The following CENPC variants were observed in gnomAD, a reference collection of about 807,000 sequenced individuals.
The protein encoded by CENPC is CENP-C 1.
In CENPC, 63 loss-of-function variants were observed where a neutral mutation model predicts 112.1. The ratio of observed to expected loss-of-function variants is 0.56; its 90% CI spans 0.46 to 0.69. The LOEUF (loss-of-function observed/expected upper bound fraction) is 0.69, where lower values mean the gene tolerates loss of function less well. Ranked by LOEUF, CENPC falls within the 30% of genes least tolerant of loss-of-function variation. CENPC has a pLI of 0.00. For synonymous variants in CENPC, 333 were observed against 367.6 expected (o/e 0.91, Z 1.08); for missense variants, 1,000 against 1,103.8 (o/e 0.91, Z 1.33).
chr4:67,518,105 C>A, intron 7 of CENPC, 51 bp downstream of exon 7: 1 of 1,002,446 alleles, frequency 1.0e-6, no homozygotes, highest in South Asian at 1.8e-5. Context: ...ATATATGGTT[C>A]ATAGAATATA....
chr4:67,497,106 G>A (rs868350164), intron 12 of CENPC, among the ~76,000 whole-genome samples: 15 of 152,074 alleles, frequency 9.9e-5, no homozygotes, highest in Admixed American at 2.0e-4. Flanking sequence ...GCGGCCAGGC[G>A]CAGTGGCTCA....
intron 9 of CENPC, 102 bp from the exon 10 acceptor site, chr4:67,509,207 TACACACACACACACACAC>T (rs36207189): frequency 5.2e-4 from 251 of 486,056 alleles, no homozygotes; most frequent in East Asian, 1.5e-3. Context: ...CATATACACA[TACACACACACACACACAC>T]ACACACACAC....
At chr4:67,532,698 G>A (rs1405153187) in intron 4 of CENPC, among the ~76,000 whole-genome samples, 1 of 151,660 alleles carries the variant, frequency 6.6e-6, no homozygotes, top group Non-Finnish European at 1.5e-5. Context: ...ATTGAACAAT[G>A]AGAACACATG....
chr4:67,512,807 C>T (rs1452984350), intron 8 of CENPC, among the ~76,000 whole-genome samples: 4 of 151,922 alleles, frequency 2.6e-5, no homozygotes, highest in Non-Finnish European at 5.9e-5. Context: ...CTTATATACT[C>T]CTCAGCCAAA....
intron 16 of CENPC, among the ~76,000 whole-genome samples, chr4:67,490,856 ATATATATATATATATAT>A (rs1560422714): frequency 6.5e-3 from 129 of 19,924 alleles, no homozygotes; most frequent in Middle Eastern, 0.026. Flanking sequence ...ATATATATAT[ATATATATATATATATAT>A]ATATAGAAAT....
At chr4:67,518,512 T>C in intron 6 of CENPC, 144 bp from the exon 7 acceptor site, 1 of 849,060 alleles carries the variant, frequency 1.2e-6, no homozygotes, top group South Asian at 4.4e-5. Flanking sequence ...TGCTGATTTG[T>C]GCATTCCAAA....
chr4:67,528,211 C>T (rs1011124991), intron 5 of CENPC, among the ~76,000 whole-genome samples: 1 of 151,870 alleles, frequency 6.6e-6, no homozygotes, highest in East Asian at 1.9e-4. Context: ...CAGAATAGTA[C>T]AAAAATTATA....
chr4:67,518,516 T>C, intron 6 of CENPC, 148 bp from the exon 7 acceptor site: 2 of 811,646 alleles, frequency 2.5e-6, no homozygotes, highest in East Asian at 3.5e-5. Flanking sequence ...GATTTGTGCA[T>C]TCCAAATACA....
intron 12 of CENPC, among the ~76,000 whole-genome samples, chr4:67,500,605 A>C (rs144575982): frequency 3.3e-5 from 5 of 152,346 alleles, no homozygotes; most frequent in Non-Finnish European, 7.3e-5. Context: ...CACAGAGACC[A>C]GCTGAAAGAA....
At position 67,519,443 on chromosome 4, in the gene CENPC, G is replaced by T. The variant is rs779772399; in HGVS notation, c.391C>A (p.Pro131Thr). ...LATDVSSKNTPDSKKISSRNI... is the reference protein window; with the variant it reads ...LATDVSSKNTTDSKKISSRNI... ...CTACTTGATATTTTTTTCGAGTCAG[G>T]TGTATTTTTGGAACTAACATCAGTT... Residue 131 changes from proline (P) to threonine (T), a missense_variant, in exon 6 of 19, where the codon CCT (proline) becomes ACT (threonine). By Grantham distance (38) the Pro-to-Thr change is conservative. Coordinates refer to ENST00000273853, the MANE Select transcript of CENPC (RefSeq NM_001812.4). The T allele has an allele frequency of 9.3e-6, 15 of 1,608,022 alleles. No homozygotes were observed. The African/African-American group carries it at 1.7e-4, about 19-fold the overall frequency.
intron 17 of CENPC, among the ~76,000 whole-genome samples, chr4:67,484,471 G>GT (rs1338700050): frequency 3.3e-5 from 5 of 152,216 alleles, no homozygotes; most frequent in South Asian, 2.1e-4. Flanking sequence ...CAGCACGCCA[G>GT]TGAGTGTTAC....
chr4:67,535,034 A>C (rs1266339395), intron 4 of CENPC, among the ~76,000 whole-genome samples: 2 of 152,200 alleles, frequency 1.3e-5, no homozygotes, highest in Admixed American at 6.5e-5. Flanking sequence ...ATAGTCACAA[A>C]GGATCATGGA....
intron 5 of CENPC, among the ~76,000 whole-genome samples, chr4:67,520,738 G>A (rs976719829): frequency 1.3e-5 from 2 of 152,144 alleles, no homozygotes; most frequent in African/African-American, 2.4e-5. Context: ...GGGGCTGGGC[G>A]CAGTGGTTCA....
At position 67,492,164 on chromosome 4, in the gene CENPC, T is replaced by C. The variant is rs558995602; in HGVS notation, c.2515+16A>G. ...ATTGTTTAATTAAGTATTTTCAGTA[T>C]CATGCCTGATCTTACCCATGAGAAT... On this transcript the variant is annotated intron_variant, in intron 16 of 18. Transcript: ENST00000273853. The C allele has an allele frequency of 1.4e-6, 2 of 1,480,730 alleles. No homozygotes were observed. Among genetic ancestry groups the C allele is most frequent in the South Asian group, 1.3e-5 (1 of 79,734 alleles). 91.7% of individuals were successfully genotyped at this position (1,480,730 alleles called of 1,614,324 possible).
intron 12 of CENPC, among the ~76,000 whole-genome samples, chr4:67,502,458 A>G (rs1255185389): frequency 6.6e-6 from 1 of 152,218 alleles, no homozygotes; most frequent in East Asian, 1.9e-4. Context: ...TAGACAAAAC[A>G]AACTACAAAG....
rs568522161 is a variant in CENPC at position 67,521,346 on chromosome 4, A to G, written c.332-1844T>C. ...TTACAAATCCTCTTGTAACAAATGA[A>G]AAAGAAACTCTCAAAGTAGCATTTT... On this transcript the variant is annotated intron_variant, in intron 5 of 18. Transcript: ENST00000273853. Among the ~76,000 whole-genome samples the G allele has an allele frequency of 2.3e-3, 343 of 152,220 alleles. 1 individual carries two copies. Among genetic ancestry groups the G allele is most frequent in the Admixed American group, 4.5e-3 (69 of 15,300 alleles).
intron 8 of CENPC, among the ~76,000 whole-genome samples, chr4:67,513,706 G>A (rs1020666480): frequency 6.6e-6 from 1 of 152,116 alleles, no homozygotes; most frequent in Non-Finnish European, 1.5e-5. Context: ...GTGAATGATG[G>A]AAGAGAATGG....
At chr4:67,509,162 C>G in intron 9 of CENPC, 57 bp from the exon 10 acceptor site, 1 of 1,256,572 alleles carries the variant, frequency 8.0e-7, no homozygotes, top group Non-Finnish European at 1.1e-6. Flanking sequence ...ATTTGGCTCA[C>G]TGAAATACCA....
rs185079373 is a variant in CENPC at position 67,481,111 on chromosome 4, C to T, written c.2671-6133G>A. On this transcript the variant is annotated intron_variant, in intron 17 of 18. Coordinates refer to ENST00000273853, the MANE Select transcript of CENPC (RefSeq NM_001812.4). ...TCAGTAAACTTTCAGGATACAAAAT[C>T]AACGTACACAAATCAATAGCTCTGC... Among the ~76,000 whole-genome samples, 366 of 152,230 alleles carry T rather than the reference C, an allele frequency of 2.4e-3. 2 individuals carry two copies. Among genetic ancestry groups the T allele is most frequent in the African/African-American group, 8.3e-3 (345 of 41,536 alleles).
Sources: gnomAD v4.1 joint callset for allele counts (sites outside exome capture counted in the v4.1 genomes callset) on GRCh38, gnomAD v4.1.1 for gene constraint, MANE v1.5 for transcripts, NCBI Gene and HGNC (gene_info 2026-07-23, HGNC 2026-07-21) for gene names.